Variants in GABRB3 observed in about 807,000 individuals in gnomAD.
The protein encoded by GABRB3 is gamma-aminobutyric acid type A receptor subunit beta3, also known as gamma-aminobutyric acid receptor subunit beta-3.
Under a neutral mutation model 52.1 loss-of-function variants are expected in GABRB3, and 14 were observed. The observed-to-expected ratio is 0.27, with a 90% CI of 0.18 to 0.42. The LOEUF is 0.42. GABRB3 is among the 10% of genes least tolerant of loss of function. The pLI, the probability that GABRB3 is intolerant of heterozygous loss-of-function variation, is 1.00. For missense variants in GABRB3, 307 were observed against 609.1 expected (o/e 0.50, Z 5.22); for synonymous variants, 260 against 232.3 (o/e 1.12, Z -1.08).
intron 3 of GABRB3, among the ~76,000 whole-genome samples, chr15:26,654,082 CACTATAAATATACA>C (rs1354052603): frequency 2.0e-5 from 3 of 152,168 alleles, no homozygotes; most frequent in Non-Finnish European, 4.4e-5. Flanking sequence ...ACAGAAGATG[CACTATAAATATACA>C]AAGTTTGATG....
intron 3 of GABRB3, among the ~76,000 whole-genome samples, chr15:26,718,374 T>C (rs1208636467): frequency 6.6e-6 from 1 of 152,144 alleles, no homozygotes; most frequent in Non-Finnish European, 1.5e-5. Flanking sequence ...CAAGCCCGGC[T>C]AATTTTGCAT....
chr15:26,756,631 C>T (rs1023312876), intron 3 of GABRB3, among the ~76,000 whole-genome samples: 1 of 151,978 alleles, frequency 6.6e-6, no homozygotes, highest in Non-Finnish European at 1.5e-5. Flanking sequence ...AGTTCCTGCA[C>T]CTGACACAAT....
chr15:26,647,010 AT>A (rs1887033579), intron 3 of GABRB3, among the ~76,000 whole-genome samples: 1 of 151,918 alleles, frequency 6.6e-6, no homozygotes, highest in South Asian at 2.1e-4. Context: ...CGCCTGGATA[AT>A]TTTTTGTATT....
At chr15:26,772,258 CG>C in intron 3 of GABRB3, 143 bp downstream of exon 3, 1 of 672,080 alleles carries the variant, frequency 1.5e-6, no homozygotes, top group Admixed American at 3.2e-5. Flanking sequence ...AGCGAGGGGC[CG>C]GCGCCTGGGA....
At chr15:26,597,655 C>T (rs1284322701) in intron 4 of GABRB3, among the ~76,000 whole-genome samples, 3 of 152,122 alleles carry the variant, frequency 2.0e-5, no homozygotes, top group Non-Finnish European at 2.9e-5. Context: ...AACAAAAGCC[C>T]CAATACATTC....
chr15:26,560,693 G>C (rs1211669164), intron 8 of GABRB3, among the ~76,000 whole-genome samples: 1 of 152,096 alleles, frequency 6.6e-6, no homozygotes, highest in Admixed American at 6.5e-5. Flanking sequence ...TACAACCACT[G>C]GTTTCAGTGA....
At chr15:26,759,280 A>G (rs1824994252) in intron 3 of GABRB3, among the ~76,000 whole-genome samples, 1 of 152,116 alleles carries the variant, frequency 6.6e-6, no homozygotes, top group South Asian at 2.1e-4. Context: ...TTTGAGATGG[A>G]GTCTCGCTCT....
intron 3 of GABRB3, among the ~76,000 whole-genome samples, chr15:26,652,809 T>C (rs1887238613): frequency 6.6e-6 from 1 of 152,186 alleles, no homozygotes; most frequent in Admixed American, 6.5e-5. Flanking sequence ...TTCACGCTGA[T>C]TTATTCTATC....
chr15:26,652,684 T>C (rs1887234566), intron 3 of GABRB3, among the ~76,000 whole-genome samples: 1 of 152,146 alleles, frequency 6.6e-6, no homozygotes, highest in African/African-American at 2.4e-5. Context: ...CCTTAATCCT[T>C]TCCAATTTAT....
At chr15:26,591,941 C>CT (rs149948019) in intron 4 of GABRB3, among the ~76,000 whole-genome samples, 2,712 of 152,318 alleles carry the variant, frequency 0.018, 70 homozygotes, top group African/African-American at 0.056. Flanking sequence ...AGCTACTGTA[C>CT]TATGCAGATT....
chr15:26,675,957 G>T (rs1459742619), intron 3 of GABRB3, among the ~76,000 whole-genome samples: 1 of 152,178 alleles, frequency 6.6e-6, no homozygotes, highest in East Asian at 1.9e-4. Flanking sequence ...ACACCCAAAG[G>T]TCAGGGCCCA....
intron 4 of GABRB3, among the ~76,000 whole-genome samples, chr15:26,592,392 A>G (rs1891239453): frequency 6.6e-6 from 1 of 152,224 alleles, no homozygotes; most frequent in South Asian, 2.1e-4. Context: ...CTGTCCCACC[A>G]AAGCATAAAC....
chr15:26,587,535 A>G (rs950710627), intron 4 of GABRB3, among the ~76,000 whole-genome samples: 3 of 152,200 alleles, frequency 2.0e-5, no homozygotes, highest in African/African-American at 7.2e-5. Context: ...TAAACTCATC[A>G]CAGGCTGGGA....
intron 6 of GABRB3, among the ~76,000 whole-genome samples, chr15:26,579,295 G>A (rs1015703541): frequency 1.3e-5 from 2 of 152,328 alleles, no homozygotes; most frequent in African/African-American, 2.4e-5. Context: ...AGAGCTGGAA[G>A]GTGGTCAGTA....
intron 3 of GABRB3, among the ~76,000 whole-genome samples, chr15:26,752,431 T>C (rs1890538412): frequency 6.6e-6 from 1 of 151,826 alleles, no homozygotes; most frequent in Admixed American, 6.6e-5. Flanking sequence ...ACCCAGCTAA[T>C]TTTTTGTTTA....
intron 4 of GABRB3, among the ~76,000 whole-genome samples, chr15:26,586,286 C>T (rs1890980754): frequency 6.6e-6 from 1 of 151,948 alleles, no homozygotes; most frequent in East Asian, 1.9e-4. Flanking sequence ...CGTGAGCCAC[C>T]GCGCCTGGCT....
intron 3 of GABRB3, among the ~76,000 whole-genome samples, chr15:26,647,391 G>T (rs1887046122): frequency 6.6e-6 from 1 of 152,130 alleles, no homozygotes; most frequent in Admixed American, 6.5e-5. Context: ...TTCATCACTT[G>T]GGCTTTTGAA....
rs147814223 is a variant in GABRB3, at chr15:26,572,337, A to G, written c.683-4604T>C. ...TGATTTAGGAGAGGTTTCACATTGT[A>G]TGCACCTCTGGTGTATGAGACATTC... On this transcript the variant is annotated intron_variant, in intron 6 of 8. Transcript: ENST00000311550. Among the ~76,000 whole-genome samples the G allele has an allele frequency of 4.1e-3, 632 of 152,318 alleles. 3 individuals are homozygous for G. Among genetic ancestry groups the G allele is most frequent in the Non-Finnish European group, 7.0e-3 (478 of 68,024 alleles).
intron 3 of GABRB3, among the ~76,000 whole-genome samples, chr15:26,659,812 G>A (rs1335656368): frequency 5.3e-5 from 8 of 152,278 alleles, no homozygotes; most frequent in African/African-American, 1.9e-4. Flanking sequence ...GGCCACCCAT[G>A]GGGAGGCACA....
Sources: allele counts gnomAD v4.1 joint callset (sites outside exome capture counted in the v4.1 genomes callset), GRCh38; gene constraint gnomAD v4.1.1; transcripts MANE v1.5; gene names NCBI Gene and HGNC (gene_info 2026-07-23, HGNC 2026-07-21).